DDX59: variants seen among roughly 807,000 people sequenced by gnomAD.
DDX59 encodes the protein probable ATP-dependent RNA helicase DDX59.
DDX59 carries 30 observed loss-of-function variants against 51.9 expected under a neutral mutation model. The ratio of observed to expected loss-of-function variants is 0.58; its 90% CI spans 0.43 to 0.78. DDX59 has a LOEUF of 0.78. DDX59 is among the 30% of genes least tolerant of loss of function. The probability of loss-of-function intolerance (pLI) is 0.00; values close to 1 mark genes in which losing one functional copy is unlikely to be tolerated. For synonymous variants in DDX59, 255 were observed against 253.3 expected (o/e 1.01, Z -0.06); for missense variants, 672 against 730.8 (o/e 0.92, Z 0.93).
At chr1:200,645,030 G>A (rs1244559909) in intron 7 of DDX59, among the ~76,000 whole-genome samples, 1 of 151,622 alleles carries the variant, frequency 6.6e-6, no homozygotes, top group South Asian at 2.1e-4. Context: ...TAATGGAACA[G>A]ACCAAACAGA....
chr1:200,641,273 G>C, downstream of DDX59: 1 of 1,277,088 alleles, frequency 7.8e-7, no homozygotes, highest in Non-Finnish European at 1.0e-6. Context: ...GAAGAAAATA[G>C]TGTAGTTTTA....
At chr1:200,642,930 C>T (rs529396373), downstream of DDX59, among the ~76,000 whole-genome samples, 7 of 152,178 alleles carry the variant, frequency 4.6e-5, no homozygotes, top group African/African-American at 7.2e-5. Flanking sequence ...ACAGAGACCA[C>T]GGGAAGATCA....
chr1:200,658,599 G>T lies in DDX59; in HGVS notation c.1062+428C>A, dbSNP rs368711846. 7.2e-5 allele frequency among the ~76,000 whole-genome samples: 11 copies of T among 152,318 alleles called. 1 individual carries two copies. In the East Asian group the frequency reaches 9.7e-4, roughly 13 times the overall value. ...TAGTCCCAGCTACTCAGGAGGCTGA[G>T]GTGGGTGGATCACTTGAGTGTGGGA... On this transcript the variant is annotated intron_variant, in intron 4 of 7. Coordinates refer to ENST00000331314, the MANE Select transcript of DDX59 (RefSeq NM_001031725.6).
intron 1 of DDX59, among the ~76,000 whole-genome samples, chr1:200,668,794 G>A (rs1662956734): frequency 6.6e-6 from 1 of 152,140 alleles, no homozygotes; most frequent in South Asian, 2.1e-4. Context: ...CTATCTAAGA[G>A]CTTCCTCTGC....
At chr1:200,653,843 T>C (rs973929955) in intron 4 of DDX59, among the ~76,000 whole-genome samples, 21 of 152,144 alleles carry the variant, frequency 1.4e-4, no homozygotes, top group African/African-American at 5.1e-4. Flanking sequence ...ATAAATGTCA[T>C]CTTCTCAGAG....
downstream of DDX59, among the ~76,000 whole-genome samples, chr1:200,643,236 T>C (rs929842793): frequency 1.3e-5 from 2 of 151,640 alleles, no homozygotes; most frequent in East Asian, 3.9e-4. Context: ...TAGTGAGCCA[T>C]GATCATGCCA....
rs1662763426 is a variant in DDX59, at chr1:200,666,528, C to T, written c.213G>A (p.Glu71=). 1 of 1,614,226 alleles carries T rather than the reference C, an allele frequency of 6.2e-7. No homozygotes were observed. The highest frequency in any genetic ancestry group is 8.5e-7 in the Non-Finnish European group (1 of 1,180,046). Residue 71 remains glutamate, a synonymous_variant, in exon 2 of 8, where the codon GAG becomes GAA. Transcript: ENST00000331314. ...PFPSPGGQLA[E]VHSVSPEQGA... is the part of the protein sequence containing the mutation. Reference sequence around the variant, plus strand: ...CCTGCTCGGGACTTACTGAATGAACCTCTGCCAACTGGCCACCTGGGCTGG... The same window carrying T: ...CCTGCTCGGGACTTACTGAATGAACTTCTGCCAACTGGCCACCTGGGCTGG...
intron 6 of DDX59, 97 bp from the exon 7 acceptor site, chr1:200,648,664 AT>A: frequency 7.3e-7 from 1 of 1,366,524 alleles, no homozygotes; most frequent in Non-Finnish European, 9.8e-7. Context: ...TTACTTCAAT[AT>A]TTTTATTGCA....
intron 4 of DDX59, among the ~76,000 whole-genome samples, chr1:200,658,475 C>A (rs915593322): frequency 1.3e-5 from 2 of 152,032 alleles, no homozygotes; most frequent in South Asian, 2.1e-4. Context: ...CAGGAGGATC[C>A]CTTGAGCCCA....
Position 200,666,343 on chromosome 1 carries a change from G to C in DDX59, c.398C>G (p.Ala133Gly), listed in dbSNP as rs186153048. ...TTCCTTAACTTGTAGAAGATGTTTC[G>C]CTTTACACTCCAAACTACACACATC... Reference protein sequence around the residue: ...DEDVCSLECKAKHLLQVKEKE... With the variant: ...DEDVCSLECKGKHLLQVKEKE... The change falls in exon 2 of 8, where the codon GCG (alanine) becomes GGG (glycine). Residue 133 changes from alanine to glycine, a missense_variant. Coordinates refer to ENST00000331314, the MANE Select transcript of DDX59 (RefSeq NM_001031725.6). The C allele has an allele frequency of 6.2e-7, 1 of 1,614,084 alleles. No individual in the cohort carries two copies. The highest frequency in any genetic ancestry group is 8.5e-7 in the Non-Finnish European group (1 of 1,180,016).
At chr1:200,663,064 G>A (rs1662479617) in intron 3 of DDX59, among the ~76,000 whole-genome samples, 1 of 152,106 alleles carries the variant, frequency 6.6e-6, no homozygotes, top group Admixed American at 6.5e-5. Flanking sequence ...CAACATGAAA[G>A]GCTGATATTC....
At chr1:200,643,804 A>G (rs1322975129), downstream of DDX59, among the ~76,000 whole-genome samples, 1 of 152,190 alleles carries the variant, frequency 6.6e-6, no homozygotes, top group Non-Finnish European at 1.5e-5. Flanking sequence ...ATGAAAGTAG[A>G]CATTTCATAT....
At chr1:200,641,388 C>T, downstream of DDX59, 1 of 176,228 alleles carries the variant, frequency 5.7e-6, no homozygotes. Context: ...GTTATGAAAC[C>T]AAAAAAACTA....
Position 200,659,163 on chromosome 1 carries a change from T to A in DDX59, c.973-47A>T, listed in dbSNP as rs1426742130. On this transcript the variant is annotated intron_variant, in intron 3 of 7. Coordinates refer to ENST00000331314, the MANE Select transcript of DDX59 (RefSeq NM_001031725.6). Reference sequence around the variant, plus strand: ...AATTAAAAAAATCAGTAATAGCTATTTTCATTCATTCATTCCATATTGATT... The same window carrying A: ...AATTAAAAAAATCAGTAATAGCTATATTCATTCATTCATTCCATATTGATT... The A allele has an allele frequency of 9.9e-6, 14 of 1,407,950 alleles. No homozygotes were observed. In the South Asian group the frequency reaches 1.6e-4, roughly 16 times the overall value. The allele number at this position is 1,407,950 out of a possible 1,614,324, so 87.2% of individuals were successfully genotyped here. A position where few individuals can be genotyped will look rare whatever the true frequency, so the allele number is the denominator to read the frequency against.
chr1:200,657,454 T>C (rs1395868891), intron 4 of DDX59, among the ~76,000 whole-genome samples: 2 of 151,028 alleles, frequency 1.3e-5, no homozygotes, highest in African/African-American at 4.9e-5. Flanking sequence ...CTCTTCAGTC[T>C]ATAAGACATT....
At chr1:200,646,339 A>AAAAC (rs538507840) in intron 7 of DDX59, among the ~76,000 whole-genome samples, 1 of 152,288 alleles carries the variant, frequency 6.6e-6, no homozygotes, top group East Asian at 1.9e-4. Flanking sequence ...GTCTCTTAAA[A>AAAAC]AAACAAACAA....
At chr1:200,654,612 A>C (rs778605262) in intron 4 of DDX59, 3 of 152,206 alleles carry the variant, frequency 2.0e-5, no homozygotes, top group Non-Finnish European at 4.4e-5. Flanking sequence ...ATCTATGCAC[A>C]GTTCAACAGA....
At chr1:200,649,262 T>C (rs2102851233) in intron 5 of DDX59, 36 bp from the exon 6 acceptor site, 1 of 1,489,098 alleles carries the variant, frequency 6.7e-7, no homozygotes, top group Non-Finnish European at 9.0e-7. Flanking sequence ...AAATTATTCA[T>C]ATAAAATAAT....
chr1:200,661,090 A>G (rs545062697), intron 3 of DDX59, among the ~76,000 whole-genome samples: 3 of 152,316 alleles, frequency 2.0e-5, no homozygotes, highest in African/African-American at 7.2e-5. Context: ...GCAGGGAAAG[A>G]AAAATGTAAG....
Sources: allele counts gnomAD v4.1 joint callset (sites outside exome capture counted in the v4.1 genomes callset), GRCh38; gene constraint gnomAD v4.1.1; transcripts MANE v1.5; gene names NCBI Gene and HGNC (gene_info 2026-07-23, HGNC 2026-07-21).